Variants in IQGAP2 observed in about 807,000 individuals in gnomAD.
IQGAP2 encodes ras GTPase-activating-like protein IQGAP2.
IQGAP2 carries 173 observed loss-of-function variants against 201.3 expected under a neutral mutation model. The ratio of observed to expected loss-of-function variants is 0.86; its 90% CI spans 0.76 to 0.98. The LOEUF is 0.98. IQGAP2 is among the 50% of genes least tolerant of loss of function. The probability of loss-of-function intolerance (pLI) is 0.00; values close to 1 mark genes in which losing one functional copy is unlikely to be tolerated. For synonymous variants in IQGAP2, 675 were observed against 673.9 expected, an observed-to-expected ratio of 1.00 and a Z score of -0.03; for missense variants, 1,687 against 1,864.8, an observed-to-expected ratio of 0.90 and a Z score of 1.76.
intron 5 of IQGAP2, among the ~76,000 whole-genome samples, chr5:76,579,342 A>G (rs1396246940): frequency 6.6e-6 from 1 of 151,824 alleles, no homozygotes; most frequent in African/African-American, 2.4e-5. Context: ...TGGGTTTCGG[A>G]TGGATCACTT....
intron 12 of IQGAP2, chr5:76,608,956 C>G: frequency 1.4e-6 from 1 of 738,186 alleles, no homozygotes; most frequent in Non-Finnish European, 2.2e-6. Context: ...AAGAAGTGGA[C>G]CGTGGGCTGA....
At chr5:76,547,821 G>A (rs1402102271) in intron 2 of IQGAP2, among the ~76,000 whole-genome samples, 1 of 152,186 alleles carries the variant, frequency 6.6e-6, no homozygotes, top group African/African-American at 2.4e-5. Flanking sequence ...AGGCAGGTTG[G>A]CAGAGTCCCA....
chr5:76,523,626 A>T (rs1039491862), intron 2 of IQGAP2, among the ~76,000 whole-genome samples: 1 of 152,208 alleles, frequency 6.6e-6, no homozygotes, highest in East Asian at 1.9e-4. Context: ...CCAATCAGCT[A>T]TGCAGTAAGA....
chr5:76,698,292 T>C (rs947281890), intron 33 of IQGAP2, 145 bp downstream of exon 33: 8 of 564,992 alleles, frequency 1.4e-5, no homozygotes, highest in African/African-American at 7.7e-5. Context: ...AGTTTTATTA[T>C]TTGCCACTGT....
At chr5:76,629,676 TA>T (rs1750538313) in intron 14 of IQGAP2, among the ~76,000 whole-genome samples, 2 of 152,212 alleles carry the variant, frequency 1.3e-5, no homozygotes, top group African/African-American at 4.8e-5. Context: ...ACTTTATACA[TA>T]AAGAGATTTT....
Position 76,683,207 on chromosome 5 carries a change from A to C in IQGAP2, c.3753A>C (p.Glu1251Asp), listed in dbSNP as rs1481794422. ...LGSLGEVPTV[E>D]SFLGEGAVDP... ...CGCTGGGAGAGGTGCCAACCGTGGA[A>C]TCTTTTCTTGGTAAGAGCTTGTTCC... Residue 1251 changes from glutamate (E) to aspartate (D), a missense_variant, in exon 29 of 36, where the codon GAA becomes GAC. Coordinates refer to ENST00000274364, the MANE Select transcript of IQGAP2 (RefSeq NM_006633.5). The C allele has an allele frequency of 1.9e-6, 3 of 1,609,908 alleles. No individual in the cohort carries two copies. In the South Asian group the frequency reaches 3.3e-5, roughly 18 times the overall value.
chr5:76,468,547 C>T (rs1192353617), intron 2 of IQGAP2, among the ~76,000 whole-genome samples: 1 of 152,176 alleles, frequency 6.6e-6, no homozygotes, highest in Admixed American at 6.5e-5. Flanking sequence ...CAAAGGATTC[C>T]AGCATCTCTT....
chr5:76,421,231 C>T (rs1008820579), intron 1 of IQGAP2, among the ~76,000 whole-genome samples: 1 of 152,096 alleles, frequency 6.6e-6, no homozygotes, highest in African/African-American at 2.4e-5. Flanking sequence ...AGAATGCCAG[C>T]CTTTAGGCTC....
intron 2 of IQGAP2, among the ~76,000 whole-genome samples, chr5:76,505,340 G>T (rs1348009140): frequency 6.6e-6 from 1 of 152,286 alleles, no homozygotes; most frequent in South Asian, 2.1e-4. Flanking sequence ...CTCAACTGGG[G>T]AGTCAACCCA....
At chr5:76,441,108 A>G (rs1477453464) in intron 1 of IQGAP2, among the ~76,000 whole-genome samples, 1 of 151,600 alleles carries the variant, frequency 6.6e-6, no homozygotes, top group Non-Finnish European at 1.5e-5. Flanking sequence ...ATTACTGCTC[A>G]GTGTCCTTGT....
intron 2 of IQGAP2, among the ~76,000 whole-genome samples, chr5:76,507,685 A>C (rs1198252680): frequency 6.6e-6 from 1 of 152,244 alleles, no homozygotes; most frequent in Non-Finnish European, 1.5e-5. Flanking sequence ...ATAATTCTTA[A>C]AACTAAACAA....
At chr5:76,691,312 C>T (rs1482014273) in intron 30 of IQGAP2, 2 of 152,110 alleles carry the variant, frequency 1.3e-5, no homozygotes, top group South Asian at 2.1e-4. Context: ...TGGTGGGGCA[C>T]GTTTTATTGA....
At chr5:76,672,595 A>G (rs1004922023) in intron 24 of IQGAP2, among the ~76,000 whole-genome samples, 5 of 152,234 alleles carry the variant, frequency 3.3e-5, no homozygotes, top group Admixed American at 6.5e-5. Context: ...GTATAGATAT[A>G]CATTTGTTGG....
chr5:76,625,909 T>C (rs1014711126), intron 13 of IQGAP2, among the ~76,000 whole-genome samples: 2 of 152,272 alleles, frequency 1.3e-5, no homozygotes, highest in Non-Finnish European at 2.9e-5. Flanking sequence ...ACATGTTTCC[T>C]GAAAATATCT....
intron 9 of IQGAP2, 112 bp downstream of exon 9, chr5:76,593,037 A>T: frequency 1.3e-6 from 1 of 744,568 alleles, no homozygotes; most frequent in Non-Finnish European, 2.3e-6. Flanking sequence ...GCCTTATACA[A>T]TGAAAAATCT....
chr5:76,562,584 G>A lies in IQGAP2; in HGVS notation c.303+32G>A. 1.9e-6 allele frequency: 3 copies of A among 1,588,070 alleles called. No homozygotes were observed. In the South Asian group the frequency reaches 3.4e-5, roughly 18 times the overall value. On this transcript the variant is annotated intron_variant, in intron 3 of 35. Coordinates refer to ENST00000274364, the MANE Select transcript of IQGAP2 (RefSeq NM_006633.5). Reference sequence around the variant, plus strand: ...AAGATCTAATTGGTTTTGGCTTCCAGCTAAAAGTGAAAGTTTGGTATTTCA... The same window carrying A: ...AAGATCTAATTGGTTTTGGCTTCCAACTAAAAGTGAAAGTTTGGTATTTCA...
intron 12 of IQGAP2, chr5:76,608,200 T>C (rs533701684): frequency 5.1e-4 from 78 of 152,334 alleles, no homozygotes; most frequent in African/African-American, 1.8e-3. Context: ...TCTATCAAGG[T>C]AACAGCACTA....
chr5:76,673,793 TATC>T, intron 25 of IQGAP2, 156 bp from the exon 26 acceptor site: 3 of 680,282 alleles, frequency 4.4e-6, no homozygotes, highest in Non-Finnish European at 2.5e-6. Flanking sequence ...GCTCAGTTAT[TATC>T]ATCAGTGGAA....
chr5:76,657,449 T>C (rs776192564), intron 20 of IQGAP2, among the ~76,000 whole-genome samples: 3 of 152,170 alleles, frequency 2.0e-5, no homozygotes, highest in Non-Finnish European at 4.4e-5. Context: ...ATGCAGTTGT[T>C]TGTGGTTTAT....
Sources: allele counts gnomAD v4.1 joint callset (sites outside exome capture counted in the v4.1 genomes callset), GRCh38; gene constraint gnomAD v4.1.1; transcripts MANE v1.5; gene names NCBI Gene and HGNC (gene_info 2026-07-23, HGNC 2026-07-21).